The following SLC9A3 variants were observed in gnomAD, a reference collection of about 807,000 sequenced individuals.
SLC9A3 encodes solute carrier family 9 member A3.
SLC9A3 carries 37 observed loss-of-function variants against 86.8 expected under a neutral mutation model. The ratio of observed to expected loss-of-function variants is 0.43; its 90% CI spans 0.33 to 0.56. The LOEUF (loss-of-function observed/expected upper bound fraction) is 0.56. SLC9A3 is among the 20% of genes least tolerant of loss of function. SLC9A3 has a pLI of 0.06. For missense variants in SLC9A3, 1,011 were observed against 1,171.9 expected (o/e 0.86, Z 2.00); for synonymous variants, 581 against 528.3 (o/e 1.10, Z -1.37).
chr5:488,034 C>T (rs972841966), intron 3 of SLC9A3, among the ~76,000 whole-genome samples: 1 of 152,378 alleles, frequency 6.6e-6, no homozygotes, highest in South Asian at 2.1e-4. Context: ...CACAGACGCT[C>T]TGGGGACCAG....
intron 1 of SLC9A3, among the ~76,000 whole-genome samples, chr5:495,911 G>A (rs1482637352): frequency 8.6e-5 from 9 of 104,582 alleles, no homozygotes; most frequent in Non-Finnish European, 1.2e-4. Context: ...CACTCCCCGC[G>A]CCATCGCCGA....
At chr5:510,049 A>G (rs1740810590) in intron 1 of SLC9A3, among the ~76,000 whole-genome samples, 1 of 152,134 alleles carries the variant, frequency 6.6e-6, no homozygotes, top group African/African-American at 2.4e-5. Flanking sequence ...TGTGTTGGGG[A>G]GACAGGTGCT....
chr5:472,570 G>A lies in SLC9A3; in HGVS notation c.*809C>T, dbSNP rs934079926. ...GCCGTGTCCGGGGCCGCCACCCTGA[G>A]ACCGGGCGCGGGCAGGACGGAACCT... is the stretch of plus-strand genomic sequence containing the variant. On this transcript the variant is annotated 3_prime_UTR_variant, in exon 17 of 17. Coordinates refer to ENST00000264938, the MANE Select transcript of SLC9A3 (RefSeq NM_004174.4). The A allele has an allele frequency of 5.1e-5, 18 of 356,284 alleles. No individual in the cohort carries two copies. Among genetic ancestry groups the A allele is most frequent in the African/African-American group, 3.2e-4 (14 of 44,438 alleles). The allele number at this position is 356,284 out of a possible 1,614,324, so 22.1% of individuals were successfully genotyped here.
intron 1 of SLC9A3, among the ~76,000 whole-genome samples, chr5:513,424 T>C (rs750693239): frequency 6.6e-6 from 1 of 152,162 alleles, no homozygotes; most frequent in Non-Finnish European, 1.5e-5. Context: ...CCCCACCCCC[T>C]GCTCTAACAG....
intron 2 of SLC9A3, among the ~76,000 whole-genome samples, chr5:490,239 G>A (rs1239621040): frequency 2.6e-5 from 4 of 152,254 alleles, no homozygotes; most frequent in Non-Finnish European, 5.9e-5. Context: ...CCTGCCCCAG[G>A]GGGCACAGCG....
At chr5:507,166 CTTTTT>C (rs778066069) in intron 1 of SLC9A3, among the ~76,000 whole-genome samples, 589 of 30,642 alleles carry the variant, frequency 0.019, 157 homozygotes, top group Non-Finnish European at 0.028. Context: ...GCTGCTGCTT[CTTTTT>C]TTTTTTTTTT....
chr5:482,923 G>A (rs553782019), intron 6 of SLC9A3, among the ~76,000 whole-genome samples, 173 bp from the exon 7 acceptor site: 5 of 151,236 alleles, frequency 3.3e-5, no homozygotes, highest in East Asian at 2.0e-4. Context: ...GGAGCCACAC[G>A]CGGCCTGGCG....
intron 1 of SLC9A3, among the ~76,000 whole-genome samples, chr5:502,468 G>A (rs1740323074): frequency 6.6e-6 from 1 of 152,256 alleles, no homozygotes; most frequent in African/African-American, 2.4e-5. Context: ...CCTACCAGGG[G>A]CCGCAGCGGA....
chr5:510,480 G>C (rs1051504484), intron 1 of SLC9A3, among the ~76,000 whole-genome samples: 1 of 152,222 alleles, frequency 6.6e-6, no homozygotes, highest in Admixed American at 6.5e-5. Context: ...GGGCCCAGGG[G>C]ACAAGGTGGG....
intron 1 of SLC9A3, among the ~76,000 whole-genome samples, chr5:517,357 CAATCCACTCATCCATCCATCCATT>C (rs1468177670): frequency 1.3e-5 from 2 of 152,004 alleles, no homozygotes; most frequent in Non-Finnish European, 2.9e-5. Context: ...ACCCATCCAT[CAATCCACTCATCCATCCATCCATT>C]CACTTATCCA....
At chr5:520,438 G>T (rs1380642701) in intron 1 of SLC9A3, among the ~76,000 whole-genome samples, 2 of 152,156 alleles carry the variant, frequency 1.3e-5, no homozygotes, top group African/African-American at 4.8e-5. Flanking sequence ...GGGCCAGGAG[G>T]TCTGGCCCCT....
Position 475,053 on chromosome 5 carries a change from G to A in SLC9A3, c.2331C>T (p.Pro777=), listed in dbSNP as rs762187999. 5.6e-6 allele frequency: 9 copies of A among 1,612,196 alleles called. No homozygotes were observed. The African/African-American group carries it at 6.7e-5, about 12-fold the overall frequency. The part of the protein sequence containing the change: ...LLARLPPWLS[P]GETVVPSQRA... ...TCTGCGAGGGGACCACCGTCTCCCC[G>A]GGAGACAGCCAGGGCGGCAGCCTGG... The change falls in exon 16 of 17, where the codon CCC becomes CCT. Residue 777 remains proline (P), a synonymous_variant. Transcript: ENST00000264938.
rs1739375531 is a variant in SLC9A3 at position 484,559 on chromosome 5, T to C, written c.893A>G (p.Tyr298Cys). ...GFVFIISYLS[Y>C]LTSEMLSLSA... ...CAGCGACAGCATCTCGGACGTCAGG[T>C]AGGACAGGTAGGAGATGATGAACAC... Residue 298 changes from tyrosine to cysteine, a missense_variant, in exon 5 of 17, where the codon TAC becomes TGC. Transcript: ENST00000264938. The C allele has an allele frequency of 6.2e-7, 1 of 1,612,806 alleles. No individual in the cohort carries two copies. The highest frequency in any genetic ancestry group is 8.5e-7 in the Non-Finnish European group (1 of 1,179,912).
chr5:481,737 C>G (rs1739180253), intron 8 of SLC9A3, 102 bp from the exon 9 acceptor site: 2 of 1,000,338 alleles, frequency 2.0e-6, no homozygotes, highest in African/African-American at 1.7e-5. Flanking sequence ...ACCAGCCCCC[C>G]TCACCACGCC....
At chr5:507,166 C>CCTTTTTTTTTTTTTTTTTTTTTTTTTTTT (rs1740625629) in intron 1 of SLC9A3, among the ~76,000 whole-genome samples, 1 of 30,668 alleles carries the variant, frequency 3.3e-5, no homozygotes, top group African/African-American at 1.3e-4. Flanking sequence ...GCTGCTGCTT[C>CCTTTTTTTTTTTTTTTTTTTTTTTTTTTT]TTTTTTTTTT....
At position 476,268 on chromosome 5, in the gene SLC9A3, G is replaced by C; in HGVS notation, c.2001C>G (p.Thr667=). The change falls in exon 13 of 17, where the codon ACC becomes ACG. Residue 667 remains threonine, a synonymous_variant. Transcript: ENST00000264938. ...MRKRLESFKS[T]KLGLNQNKKA... ...TCTTGTTCTGGTTGAGCCCCAGCTT[G>C]GTCGACTTGAAGGACTCCAGGCGCT... is the stretch of plus-strand genomic sequence containing the variant. The C allele has an allele frequency of 6.2e-7, 1 of 1,614,000 alleles. No homozygotes were observed. The highest frequency in any genetic ancestry group is 8.5e-7 in the Non-Finnish European group (1 of 1,180,004).
At chr5:500,413 G>A (rs1277190700) in intron 1 of SLC9A3, among the ~76,000 whole-genome samples, 14 of 152,340 alleles carry the variant, frequency 9.2e-5, no homozygotes, top group Admixed American at 6.5e-4. Context: ...AGACGGGGAC[G>A]GGACCCTCCA....
intron 11 of SLC9A3, chr5:476,973 C>T (rs919421286): frequency 1.1e-5 from 6 of 527,432 alleles, no homozygotes; most frequent in South Asian, 1.1e-4. Flanking sequence ...AGCATCTGCA[C>T]ATCTGGCAGA....
chr5:480,030 G>A, intron 9 of SLC9A3, 65 bp from the exon 10 acceptor site: 1 of 1,559,842 alleles, frequency 6.4e-7, no homozygotes, highest in Non-Finnish European at 8.7e-7. Context: ...CCGGACGCGT[G>A]GCCCGGCCCC....
Sources: allele counts gnomAD v4.1 joint callset (sites outside exome capture counted in the v4.1 genomes callset), GRCh38; gene constraint gnomAD v4.1.1; transcripts MANE v1.5; gene names NCBI Gene and HGNC (gene_info 2026-07-23, HGNC 2026-07-21).